The following RBFOX1 variants were observed in gnomAD, a reference collection of about 807,000 sequenced individuals.
The protein encoded by RBFOX1 is RNA binding fox-1 homolog 1.
In RBFOX1, 8 loss-of-function variants were observed where a neutral mutation model predicts 57.7. The observed-to-expected ratio is 0.14, with a 90% CI of 0.08 to 0.25. The LOEUF (loss-of-function observed/expected upper bound fraction) is 0.25. Among genes scored for constraint, RBFOX1 ranks in the 10% least tolerant of loss-of-function variants. The pLI, the probability that RBFOX1 is intolerant of heterozygous loss-of-function variation, is 1.00. For synonymous variants in RBFOX1, 326 were observed against 222.4 expected (o/e 1.47, Z -4.15); for missense variants, 611 against 548.5 (o/e 1.11, Z -1.14).
At chr16:6,075,240 C>A (rs1263901154) in intron 1 of RBFOX1, among the ~76,000 whole-genome samples, 1 of 152,136 alleles carries the variant, frequency 6.6e-6, no homozygotes, top group African/African-American at 2.4e-5. Flanking sequence ...ATGCCATTAC[C>A]GATGCATAAA....
At chr16:6,129,716 A>AG (rs2096616078) in intron 1 of RBFOX1, among the ~76,000 whole-genome samples, 1 of 150,382 alleles carries the variant, frequency 6.6e-6, no homozygotes, top group African/African-American at 2.5e-5. Context: ...AAAAAAAAAA[A>AG]GAACTAAACT....
At chr16:6,362,179 C>G (rs534431605) in intron 2 of RBFOX1, among the ~76,000 whole-genome samples, 3 of 151,402 alleles carry the variant, frequency 2.0e-5, no homozygotes, top group African/African-American at 7.3e-5. Flanking sequence ...CCACCCCACG[C>G]CCCCCCAAAA....
intron 3 of RBFOX1, among the ~76,000 whole-genome samples, chr16:6,997,050 AC>A (rs1302201338): frequency 6.6e-6 from 1 of 152,182 alleles, no homozygotes; most frequent in Non-Finnish European, 1.5e-5. Context: ...ATTTATAAGT[AC>A]ATTGTAGACA....
intron 4 of RBFOX1, among the ~76,000 whole-genome samples, chr16:7,194,325 T>C (rs1405325635): frequency 6.6e-6 from 1 of 152,238 alleles, no homozygotes; most frequent in Non-Finnish European, 1.5e-5. Flanking sequence ...ATTTTATCAT[T>C]TACATTACTG....
intron 1 of RBFOX1, among the ~76,000 whole-genome samples, chr16:6,287,532 C>T (rs2152712777): frequency 6.6e-6 from 1 of 152,228 alleles, no homozygotes; most frequent in East Asian, 1.9e-4. Context: ...TGAGGCTCAT[C>T]TAGCATCATT....
chr16:6,816,609 G>T (rs1042411752), intron 3 of RBFOX1, among the ~76,000 whole-genome samples: 3 of 151,396 alleles, frequency 2.0e-5, no homozygotes, highest in Non-Finnish European at 4.4e-5. Flanking sequence ...GCGTGGTGGC[G>T]GGCACCTGTA....
chr16:7,386,287 G>C (rs959720849), intron 4 of RBFOX1, among the ~76,000 whole-genome samples: 40 of 152,092 alleles, frequency 2.6e-4, no homozygotes, highest in African/African-American at 9.4e-4. Flanking sequence ...AGAATGTGCA[G>C]GTTTGTTACA....
At chr16:7,369,440 A>G (rs1346412133) in intron 4 of RBFOX1, among the ~76,000 whole-genome samples, 2 of 152,114 alleles carry the variant, frequency 1.3e-5, no homozygotes, top group East Asian at 1.9e-4. Context: ...ATCTGTTTGG[A>G]TGGATATGTT....
At chr16:6,500,225 C>T (rs1219367072) in intron 2 of RBFOX1, among the ~76,000 whole-genome samples, 2 of 152,008 alleles carry the variant, frequency 1.3e-5, no homozygotes, top group East Asian at 3.9e-4. Context: ...TCTATTTTTT[C>T]CTAATTGGCA....
intron 2 of RBFOX1, among the ~76,000 whole-genome samples, chr16:5,535,272 T>C (rs968900668): frequency 1.3e-5 from 2 of 152,252 alleles, no homozygotes; most frequent in Admixed American, 1.3e-4. Flanking sequence ...AAATCTCACC[T>C]GAATATCATC....
At chr16:7,060,188 C>T (rs2053815150) in intron 4 of RBFOX1, among the ~76,000 whole-genome samples, 1 of 152,162 alleles carries the variant, frequency 6.6e-6, no homozygotes, top group African/African-American at 2.4e-5. Flanking sequence ...ATTGCCCCCA[C>T]TCGACACTGC....
intron 1 of RBFOX1, among the ~76,000 whole-genome samples, chr16:6,234,567 G>C (rs1000390840): frequency 1.3e-5 from 2 of 152,134 alleles, no homozygotes; most frequent in Non-Finnish European, 2.9e-5. Context: ...GAAATGGGGT[G>C]GATGTGTGGG....
chr16:6,509,585 C>T (rs180911772), intron 2 of RBFOX1, among the ~76,000 whole-genome samples: 1 of 152,186 alleles, frequency 6.6e-6, no homozygotes, highest in East Asian at 1.9e-4. Context: ...GGGAACAAAA[C>T]ATAGTTAAAA....
intron 2 of RBFOX1, among the ~76,000 whole-genome samples, chr16:5,551,434 C>T (rs1010437890): frequency 3.3e-5 from 5 of 152,214 alleles, no homozygotes; most frequent in African/African-American, 1.2e-4. Context: ...CAACAAGCAT[C>T]TCTTGTTACC....
At chr16:6,627,362 C>A (rs1433501169) in intron 2 of RBFOX1, among the ~76,000 whole-genome samples, 1 of 152,136 alleles carries the variant, frequency 6.6e-6, no homozygotes, top group Non-Finnish European at 1.5e-5. Context: ...AAAAGCAAAA[C>A]ATGCACTGCT....
chr16:7,548,089 T>A (rs914023417), intron 5 of RBFOX1, among the ~76,000 whole-genome samples: 1 of 152,240 alleles, frequency 6.6e-6, no homozygotes, highest in Non-Finnish European at 1.5e-5. Context: ...TCTGTTCATT[T>A]TCAGTGACTG....
intron 4 of RBFOX1, among the ~76,000 whole-genome samples, chr16:7,084,062 C>G (rs960150055): frequency 1.3e-5 from 2 of 152,080 alleles, no homozygotes; most frequent in South Asian, 2.1e-4. Flanking sequence ...TAATCCCACC[C>G]GGGGGCTTCT....
chr16:5,589,512 G>C (rs1364825002), intron 2 of RBFOX1, among the ~76,000 whole-genome samples: 1 of 152,152 alleles, frequency 6.6e-6, no homozygotes, highest in Non-Finnish European at 1.5e-5. Context: ...TAAGTATCTT[G>C]TCCAAGGCCA....
In RBFOX1 at chr16:6,735,154, A is replaced by AAC. The variant is rs1350433122; in HGVS notation, c.-16+80505_-16+80506insCA. Among the ~76,000 whole-genome samples the AAC allele has an allele frequency of 6.0e-5, 9 of 149,312 alleles. No individual in the cohort carries two copies. The East Asian group carries it at 7.7e-4, about 13-fold the overall frequency. On this transcript the variant is annotated intron_variant, in intron 3 of 15. Transcript: ENST00000550418. Reference sequence around the variant, plus strand: ...GCAGAGTGAGACCCTGTCTCAACAAAAACAACAACAACATCAACAACAACA... The same window carrying AAC: ...GCAGAGTGAGACCCTGTCTCAACAAAACAACAACAACAACATCAACAACAACA...
Sources: allele counts gnomAD v4.1 joint callset (sites outside exome capture counted in the v4.1 genomes callset), GRCh38; gene constraint gnomAD v4.1.1; transcripts MANE v1.5; gene names NCBI Gene and HGNC (gene_info 2026-07-23, HGNC 2026-07-21).